TAFA1: variants seen among roughly 807,000 people sequenced by gnomAD.
The protein encoded by TAFA1 is chemokine-like protein TAFA-1.
Under a neutral mutation model 18.5 loss-of-function variants are expected in TAFA1, and 4 were observed. That is an observed-to-expected ratio of 0.22 (90% CI 0.11 to 0.49). TAFA1 has a LOEUF of 0.49. Ranked by LOEUF, TAFA1 falls within the 20% of genes least tolerant of loss-of-function variation. The pLI is 0.98. For synonymous variants in TAFA1, 56 were observed against 55.2 expected (o/e 1.01, Z -0.06); for missense variants, 147 against 169.0 (o/e 0.87, Z 0.72).
intron 2 of TAFA1, among the ~76,000 whole-genome samples, chr3:68,020,648 A>G (rs987453741): frequency 6.6e-6 from 1 of 152,176 alleles, no homozygotes; most frequent in South Asian, 2.1e-4. Context: ...AAAGATGCAC[A>G]TAGAAGTTTT....
chr3:68,008,189 T>C (rs1048976574), intron 2 of TAFA1, among the ~76,000 whole-genome samples: 1 of 152,218 alleles, frequency 6.6e-6, no homozygotes, highest in African/African-American at 2.4e-5. Context: ...CGCTTGTATT[T>C]CTGCATCCTG....
At chr3:68,469,518 C>CAA (rs2071955764) in intron 3 of TAFA1, among the ~76,000 whole-genome samples, 2 of 152,170 alleles carry the variant, frequency 1.3e-5, no homozygotes, top group South Asian at 4.2e-4. Context: ...ACTAAAAATA[C>CAA]AAAAATTAGC....
At chr3:68,104,099 C>A (rs770494690) in intron 2 of TAFA1, among the ~76,000 whole-genome samples, 54 of 152,028 alleles carry the variant, frequency 3.6e-4, no homozygotes, top group Non-Finnish European at 6.2e-4. Flanking sequence ...AATAATTAGT[C>A]TTTACTGCTC....
chr3:68,477,234 G>T (rs537325731), intron 3 of TAFA1, among the ~76,000 whole-genome samples: 1 of 151,538 alleles, frequency 6.6e-6, no homozygotes, highest in African/African-American at 2.4e-5. Flanking sequence ...CATCCATATT[G>T]TTGCATATAA....
chr3:68,023,299 T>C (rs894853680), intron 2 of TAFA1, among the ~76,000 whole-genome samples: 1 of 152,170 alleles, frequency 6.6e-6, no homozygotes, highest in Admixed American at 6.6e-5. Flanking sequence ...GGCTGTGCTC[T>C]ACATTGTCTT....
intron 2 of TAFA1, among the ~76,000 whole-genome samples, chr3:68,327,485 G>T (rs9880059): frequency 0.05 from 7,651 of 152,136 alleles, 232 homozygotes; most frequent in African/African-American, 0.086. Context: ...AGACCAATCT[G>T]GGTTCAAGTA....
At chr3:68,533,030 G>A (rs1292092355) in intron 3 of TAFA1, among the ~76,000 whole-genome samples, 1 of 151,258 alleles carries the variant, frequency 6.6e-6, no homozygotes, top group Admixed American at 6.6e-5. Context: ...TCCAAAGAGG[G>A]TTTCGAGGGC....
rs34720800 is a variant in TAFA1 at position 68,264,695 on chromosome 3, A to AAT, written c.119-152585_119-152584insAT. On this transcript the variant is annotated intron_variant, in intron 2 of 4. Transcript: ENST00000478136. ...AGTCTTTATCAATGAAAGTCTTTATAGAAAGTATATATAGATAATTTCTAT... is the reference window on the plus strand; with the variant it reads ...AGTCTTTATCAATGAAAGTCTTTATAATGAAAGTATATATAGATAATTTCTAT... Among the ~76,000 whole-genome samples the AAT allele has an allele frequency of 1.7e-3, 158 of 92,530 alleles. 2 individuals are homozygous for AAT. Among genetic ancestry groups the AAT allele is most frequent in the African/African-American group, 8.1e-3 (152 of 18,654 alleles). The allele number at this position is 92,530 out of a possible 152,430, so 60.7% of individuals were successfully genotyped here. A position where few individuals can be genotyped will look rare whatever the true frequency, so the allele number is the denominator to read the frequency against.
chr3:68,305,155 T>G (rs2068380128), intron 2 of TAFA1, among the ~76,000 whole-genome samples: 1 of 151,736 alleles, frequency 6.6e-6, no homozygotes, highest in Non-Finnish European at 1.5e-5. Flanking sequence ...TCACCAATCC[T>G]CATTATTCCT....
intron 3 of TAFA1, among the ~76,000 whole-genome samples, chr3:68,495,842 A>G (rs1009850559): frequency 6.6e-6 from 1 of 152,144 alleles, no homozygotes; most frequent in Non-Finnish European, 1.5e-5. Flanking sequence ...AAAGCAAGTT[A>G]GGCAATGCCA....
At chr3:68,037,577 T>G (rs548150236) in intron 2 of TAFA1, among the ~76,000 whole-genome samples, 3 of 152,350 alleles carry the variant, frequency 2.0e-5, no homozygotes, top group South Asian at 4.1e-4. Flanking sequence ...AGGCAATCCA[T>G]TTTGGAAGAA....
intron 2 of TAFA1, among the ~76,000 whole-genome samples, chr3:68,219,886 T>C (rs2066708722): frequency 6.6e-6 from 1 of 152,278 alleles, no homozygotes; most frequent in East Asian, 1.9e-4. Context: ...GTCTCAGCAC[T>C]GGTTATATGT....
chr3:68,291,541 C>A (rs1235069510), intron 2 of TAFA1, among the ~76,000 whole-genome samples: 2 of 151,960 alleles, frequency 1.3e-5, no homozygotes, highest in Admixed American at 1.3e-4. Context: ...CTGTCTACAT[C>A]CAGAACTTAT....
At chr3:68,270,054 C>T (rs1175163978) in intron 2 of TAFA1, among the ~76,000 whole-genome samples, 1 of 152,164 alleles carries the variant, frequency 6.6e-6, no homozygotes, top group African/African-American at 2.4e-5. Context: ...CTGCAGGAAA[C>T]CACATCCAAA....
intron 2 of TAFA1, among the ~76,000 whole-genome samples, chr3:68,162,838 CTA>C (rs2065942032): frequency 6.6e-6 from 1 of 152,134 alleles, no homozygotes; most frequent in South Asian, 2.1e-4. Flanking sequence ...CTAGTGCACT[CTA>C]TGTCCAGACT....
At chr3:68,120,343 G>A (rs919849306) in intron 2 of TAFA1, among the ~76,000 whole-genome samples, 1 of 151,502 alleles carries the variant, frequency 6.6e-6, no homozygotes, top group Non-Finnish European at 1.5e-5. Flanking sequence ...TCTGCCTCCT[G>A]GGTTCAAGTG....
intron 4 of TAFA1, among the ~76,000 whole-genome samples, chr3:68,539,702 G>C (rs1298426641): frequency 2.4e-5 from 2 of 82,418 alleles, no homozygotes; most frequent in African/African-American, 5.1e-5. Flanking sequence ...GTGGGTGGGT[G>C]GGTGTGTGCA....
At chr3:68,033,314 A>G (rs1704976069) in intron 2 of TAFA1, among the ~76,000 whole-genome samples, 1 of 152,088 alleles carries the variant, frequency 6.6e-6, no homozygotes, top group Non-Finnish European at 1.5e-5. Flanking sequence ...ACAGTTGGGG[A>G]TTATACTTTG....
chr3:68,478,931 T>TATAC (rs1553695223), intron 3 of TAFA1, among the ~76,000 whole-genome samples: 2 of 149,686 alleles, frequency 1.3e-5, no homozygotes, highest in African/African-American at 4.9e-5. Context: ...TATATATATA[T>TATAC]ACATAAAAAT....
Sources: gnomAD v4.1 joint callset for allele counts (sites outside exome capture counted in the v4.1 genomes callset) on GRCh38, gnomAD v4.1.1 for gene constraint, MANE v1.5 for transcripts, NCBI Gene and HGNC (gene_info 2026-07-23, HGNC 2026-07-21) for gene names.